Variants in LARP1 observed in about 807,000 individuals in gnomAD.
LARP1 encodes the protein la-related protein 1.
A neutral mutation model predicts 122.7 loss-of-function variants in LARP1; 36 were observed. The observed-to-expected ratio is 0.29, with a 90% CI of 0.22 to 0.39. The LOEUF is 0.39. LARP1 is among the 10% of genes least tolerant of loss of function. The pLI is 1.00. For synonymous variants in LARP1, 539 were observed against 528.7 expected, an observed-to-expected ratio of 1.02 and a Z score of -0.27; for missense variants, 1,040 against 1,403.6, an observed-to-expected ratio of 0.74 and a Z score of 4.14.
At chr5:154,692,107 G>T (rs1168466324) in intron 1 of LARP1, among the ~76,000 whole-genome samples, 4 of 152,162 alleles carry the variant, frequency 2.6e-5, no homozygotes, top group Non-Finnish European at 5.9e-5. Context: ...GGTCCCTTTC[G>T]AAGGAAACCT....
At chr5:154,702,565 A>G (rs1424616084) in intron 1 of LARP1, among the ~76,000 whole-genome samples, 1 of 152,022 alleles carries the variant, frequency 6.6e-6, no homozygotes, top group African/African-American at 2.4e-5. Flanking sequence ...TCCAAAAAAA[A>G]AAAAAACTTC....
intron 14 of LARP1, chr5:154,804,684 A>G: frequency 2.4e-6 from 1 of 425,460 alleles, no homozygotes; most frequent in South Asian, 1.7e-5. Flanking sequence ...AGTTTTAAAA[A>G]TTAAAAAAAT....
At chr5:154,812,517 C>A (rs868129535) in intron 18 of LARP1, among the ~76,000 whole-genome samples, 2,342 of 50,394 alleles carry the variant, frequency 0.046, 37 homozygotes, top group African/African-American at 0.16. Context: ...CCCCCCCCCC[C>A]ACCCCCCCTT....
chr5:154,769,223 A>C (rs1366904549), intron 1 of LARP1, among the ~76,000 whole-genome samples: 1 of 152,228 alleles, frequency 6.6e-6, no homozygotes, highest in Non-Finnish European at 1.5e-5. Context: ...GAGAAGGCCT[A>C]GCCGCTCTGG....
intron 1 of LARP1, among the ~76,000 whole-genome samples, chr5:154,725,950 C>A (rs1016304373): frequency 6.6e-6 from 1 of 152,126 alleles, no homozygotes; most frequent in African/African-American, 2.4e-5. Context: ...AAGTGATTGT[C>A]CTGCCTCGGC....
At chr5:154,784,782 T>G (rs1054179596) in intron 1 of LARP1, among the ~76,000 whole-genome samples, 1 of 152,228 alleles carries the variant, frequency 6.6e-6, no homozygotes, top group African/African-American at 2.4e-5. Flanking sequence ...TTCTTGCTCC[T>G]CAGACCTTCA....
At chr5:154,703,740 C>T (rs1231514662) in intron 1 of LARP1, among the ~76,000 whole-genome samples, 4 of 152,196 alleles carry the variant, frequency 2.6e-5, no homozygotes, top group Non-Finnish European at 5.9e-5. Context: ...CCTGCCTTAG[C>T]CTCCGGAGTA....
intron 1 of LARP1, among the ~76,000 whole-genome samples, chr5:154,714,873 C>A (rs1282412224): frequency 6.6e-6 from 1 of 152,178 alleles, no homozygotes; most frequent in Non-Finnish European, 1.5e-5. Flanking sequence ...TGCATGTGCA[C>A]AGGAGCTAAT....
chr5:154,793,558 C>T, intron 4 of LARP1, 37 bp from the exon 5 acceptor site: 1 of 1,613,968 alleles, frequency 6.2e-7, no homozygotes, highest in South Asian at 1.1e-5. Context: ...GTGGCCTCTC[C>T]CTCAAGCCTT....
intron 16 of LARP1, 99 bp from the exon 17 acceptor site, chr5:154,811,148 T>G (rs1243385344): frequency 3.6e-6 from 3 of 832,974 alleles, no homozygotes; most frequent in Non-Finnish European, 5.9e-6. Flanking sequence ...AGAAATAACA[T>G]GTAGTTTAAA....
intron 1 of LARP1, among the ~76,000 whole-genome samples, chr5:154,777,774 C>T (rs6874825): frequency 0.014 from 2,122 of 152,002 alleles, 30 homozygotes; most frequent in Non-Finnish European, 0.021. Context: ...ATTATTATAC[C>T]GTATCAAAGT....
At chr5:154,749,046 T>C (rs113065082) in intron 1 of LARP1, among the ~76,000 whole-genome samples, 284 of 152,332 alleles carry the variant, frequency 1.9e-3, no homozygotes, top group African/African-American at 6.5e-3. Context: ...TGCTGGAGTG[T>C]AGGGTCTGTG....
At chr5:154,740,048 C>T (rs1228949098) in intron 1 of LARP1, among the ~76,000 whole-genome samples, 2 of 148,020 alleles carry the variant, frequency 1.4e-5, no homozygotes, top group Admixed American at 6.8e-5. Flanking sequence ...ATGCCAAGCC[C>T]GCCCTGGTCC....
chr5:154,714,250 G>A (rs1755368584), intron 1 of LARP1, among the ~76,000 whole-genome samples: 1 of 152,204 alleles, frequency 6.6e-6, no homozygotes, highest in Admixed American at 6.5e-5. Context: ...TTTGTAAAAT[G>A]CGGCCTCTGT....
At chr5:154,749,484 G>A (rs1753376541) in intron 1 of LARP1, among the ~76,000 whole-genome samples, 1 of 152,150 alleles carries the variant, frequency 6.6e-6, no homozygotes, top group South Asian at 2.1e-4. Flanking sequence ...GGGGTTAAAC[G>A]AGGAATTGTG....
chr5:154,752,712 G>C (rs1753565524), upstream of LARP1, among the ~76,000 whole-genome samples: 1 of 151,714 alleles, frequency 6.6e-6, no homozygotes, highest in Non-Finnish European at 1.5e-5. Flanking sequence ...GCTGAGGTGG[G>C]CAGATCACCT....
At chr5:154,799,538 C>G (rs1442501445) in intron 8 of LARP1, 53 bp from the exon 9 acceptor site, 5 of 1,589,706 alleles carry the variant, frequency 3.1e-6, no homozygotes, top group African/African-American at 1.3e-5. Context: ...TTTCCAAGAT[C>G]TTTCTGTCCA....
chr5:154,761,526 A>G (rs906236291), intron 1 of LARP1, among the ~76,000 whole-genome samples: 5 of 152,162 alleles, frequency 3.3e-5, no homozygotes, highest in African/African-American at 7.2e-5. Flanking sequence ...AGAGCTTGGC[A>G]GATGGGAGTT....
intron 1 of LARP1, among the ~76,000 whole-genome samples, chr5:154,683,325 T>A (rs1753780629): frequency 6.6e-6 from 1 of 152,256 alleles, no homozygotes; most frequent in Non-Finnish European, 1.5e-5. Flanking sequence ...CACCTGATAT[T>A]TATTTGGCTC....
Sources: gnomAD v4.1 joint callset for allele counts (sites outside exome capture counted in the v4.1 genomes callset) on GRCh38, gnomAD v4.1.1 for gene constraint, MANE v1.5 for transcripts, NCBI Gene and HGNC (gene_info 2026-07-23, HGNC 2026-07-21) for gene names.